The following DSCAM variants were observed in gnomAD, a reference collection of about 807,000 sequenced individuals.
DSCAM encodes cell adhesion molecule DSCAM.
In DSCAM, 47 loss-of-function variants were observed where a neutral mutation model predicts 217.7. The ratio of observed to expected loss-of-function variants is 0.22; its 90% CI spans 0.17 to 0.28. The LOEUF is 0.28. Ranked by LOEUF, DSCAM falls within the 10% of genes least tolerant of loss-of-function variation. The pLI, the probability that DSCAM is intolerant of heterozygous loss-of-function variation, is 1.00. For missense variants in DSCAM, 2,080 were observed against 2,618.3 expected (o/e 0.79, Z 4.49); for synonymous variants, 1,056 against 1,015.3 (o/e 1.04, Z -0.76).
chr21:40,030,955 G>A (rs1358589094), intron 32 of DSCAM, among the ~76,000 whole-genome samples: 1 of 152,122 alleles, frequency 6.6e-6, no homozygotes, highest in Non-Finnish European at 1.5e-5. Flanking sequence ...TCCTGCCACT[G>A]TGTTCAAGAG....
At chr21:40,786,178 G>A (rs564596685) in intron 1 of DSCAM, among the ~76,000 whole-genome samples, 12 of 152,168 alleles carry the variant, frequency 7.9e-5, no homozygotes, top group African/African-American at 2.6e-4. Flanking sequence ...GGAGGTTGTG[G>A]TGAGCTGAGA....
At chr21:40,756,706 T>C (rs1168033696) in intron 1 of DSCAM, among the ~76,000 whole-genome samples, 19 of 152,202 alleles carry the variant, frequency 1.2e-4, no homozygotes, top group Middle Eastern at 3.4e-3. Flanking sequence ...CATTTCTTTA[T>C]GGCAATGCAA....
chr21:40,042,842 T>C (rs1330887058), intron 31 of DSCAM, among the ~76,000 whole-genome samples, 169 bp from the exon 32 acceptor site: 2 of 152,230 alleles, frequency 1.3e-5, no homozygotes, highest in African/African-American at 4.8e-5. Context: ...GAGGCCAGCT[T>C]CACAAGTCTC....
At chr21:40,525,093 CA>C (rs1258107275) in intron 3 of DSCAM, among the ~76,000 whole-genome samples, 1 of 150,978 alleles carries the variant, frequency 6.6e-6, no homozygotes, top group Admixed American at 6.6e-5. Flanking sequence ...ACATTTACAC[CA>C]GTGATATGCT....
chr21:40,166,167 C>A (rs2090592654), intron 16 of DSCAM, among the ~76,000 whole-genome samples: 1 of 151,894 alleles, frequency 6.6e-6, no homozygotes, highest in South Asian at 2.1e-4. Context: ...AGAAGGAAAA[C>A]AAACAAACAA....
At chr21:40,339,695 C>T (rs1456334952) in intron 6 of DSCAM, among the ~76,000 whole-genome samples, 1 of 43,896 alleles carries the variant, frequency 2.3e-5, no homozygotes, top group African/African-American at 5.5e-5. Context: ...TAAACAATGA[C>T]AGCTCCTAAG....
chr21:40,610,758 G>A (rs1242477754), intron 3 of DSCAM, among the ~76,000 whole-genome samples: 1 of 152,166 alleles, frequency 6.6e-6, no homozygotes, highest in Admixed American at 6.5e-5. Context: ...AATATCCAAG[G>A]TCTTAAAAAG....
chr21:40,440,295 G>A (rs1057027391), intron 3 of DSCAM, among the ~76,000 whole-genome samples: 1 of 152,234 alleles, frequency 6.6e-6, no homozygotes, highest in Admixed American at 6.5e-5. Context: ...GCTCAGGCCT[G>A]AGTCTTGGCT....
intron 3 of DSCAM, among the ~76,000 whole-genome samples, chr21:40,595,176 G>A (rs2077012061): frequency 6.6e-6 from 1 of 152,052 alleles, no homozygotes; most frequent in Admixed American, 6.5e-5. Context: ...CCAGGAGTTT[G>A]AGACTAGCCT....
At position 40,312,346 on chromosome 21, in the gene DSCAM, T is replaced by C. The variant is rs768712064; in HGVS notation, c.1797A>G (p.Ile599Met). ...VHVTVKVPPF[I>M]QPFEFPRFSI... ...AGAATCTTGGAAACTCAAAGGGTTG[T>C]ATGAAAGGCGGAACTGCAAGAAAAA... The change falls in exon 9 of 33, where the codon ATA becomes ATG. Residue 599 changes from isoleucine to methionine, a missense_variant. Transcript: ENST00000400454. 6.2e-7 allele frequency: 1 copy of C among 1,613,510 alleles called. No individual in the cohort carries two copies. The highest frequency in any genetic ancestry group is 8.5e-7 in the Non-Finnish European group (1 of 1,179,560).
At chr21:40,544,853 C>T (rs749718717) in intron 3 of DSCAM, among the ~76,000 whole-genome samples, 135 of 151,416 alleles carry the variant, frequency 8.9e-4, no homozygotes, top group Middle Eastern at 3.4e-3. Flanking sequence ...ATTGAACTTG[C>T]GTCACTTTTT....
intron 20 of DSCAM, among the ~76,000 whole-genome samples, chr21:40,117,318 G>A (rs1488036876): frequency 1.3e-5 from 2 of 152,184 alleles, no homozygotes; most frequent in East Asian, 1.9e-4. Context: ...AATAACGCAA[G>A]AGATTGTGGT....
At chr21:40,440,857 C>T (rs1006434853) in intron 3 of DSCAM, among the ~76,000 whole-genome samples, 6 of 152,204 alleles carry the variant, frequency 3.9e-5, no homozygotes, top group Non-Finnish European at 5.9e-5. Flanking sequence ...GTAAATTGAA[C>T]AGCACTTACA....
chr21:40,842,948 A>C (rs2092114932), intron 1 of DSCAM, among the ~76,000 whole-genome samples: 1 of 152,186 alleles, frequency 6.6e-6, no homozygotes. Context: ...GCTTAAGTTA[A>C]AAGGCCTCGG....
At position 40,335,309 on chromosome 21, in the gene DSCAM, C is replaced by A. The variant is rs2074418887; in HGVS notation, c.1783+2792G>T. On this transcript the variant is annotated intron_variant, in intron 8 of 32. Transcript: ENST00000400454. ...TGCAAAGGAGCTGACAAGTTTTATA[C>A]TATATGATAAGTATTCAGAAGAAAA... Among the ~76,000 whole-genome samples, 3 of 152,160 alleles carry A rather than the reference C, an allele frequency of 2.0e-5. No homozygotes were observed. The East Asian group carries it at 5.8e-4, about 29-fold the overall frequency.
intron 3 of DSCAM, among the ~76,000 whole-genome samples, chr21:40,599,208 T>A (rs77310027): frequency 0.018 from 2,795 of 152,094 alleles, 71 homozygotes; most frequent in African/African-American, 0.064. Flanking sequence ...GGCTTTTTTT[T>A]ATTATTATTA....
chr21:40,090,514 C>T (rs1264914017), intron 21 of DSCAM, among the ~76,000 whole-genome samples: 2 of 152,198 alleles, frequency 1.3e-5, no homozygotes, highest in East Asian at 1.9e-4. Context: ...GGCATTTTCG[C>T]CTGGTTTTGC....
chr21:40,590,730 C>T (rs1007546062), intron 3 of DSCAM, among the ~76,000 whole-genome samples: 10 of 152,156 alleles, frequency 6.6e-5, no homozygotes, highest in African/African-American at 2.2e-4. Context: ...AACATTATCT[C>T]ACTTCTGAAA....
At chr21:40,481,202 A>G (rs1470090253) in intron 3 of DSCAM, among the ~76,000 whole-genome samples, 1 of 152,180 alleles carries the variant, frequency 6.6e-6, no homozygotes, top group East Asian at 1.9e-4. Flanking sequence ...AAAGACCACA[A>G]GAACAGGCCG....
Sources: allele counts gnomAD v4.1 joint callset (sites outside exome capture counted in the v4.1 genomes callset), GRCh38; gene constraint gnomAD v4.1.1; transcripts MANE v1.5; gene names NCBI Gene and HGNC (gene_info 2026-07-23, HGNC 2026-07-21).